PCDH15: variants seen among roughly 807,000 people sequenced by gnomAD.
PCDH15 encodes protocadherin-15.
In PCDH15, 129 loss-of-function variants were observed where a neutral mutation model predicts 178.5. The observed-to-expected ratio is 0.72, with a 90% CI of 0.63 to 0.84. The LOEUF is 0.84. Ranked by LOEUF, PCDH15 falls within the 40% of genes least tolerant of loss-of-function variation. The probability of loss-of-function intolerance (pLI) is 0.00; values close to 1 mark genes in which losing one functional copy is unlikely to be tolerated. For missense variants in PCDH15, 2,230 were observed against 2,099.9 expected (o/e 1.06, Z -1.21); for synonymous variants, 800 against 732.0 (o/e 1.09, Z -1.50).
rs1441257534 is a variant in PCDH15, at chr10:54,183,525, A to G, written c.1509T>C (p.Asn503=). 3 of 1,613,774 alleles carry G rather than the reference A, an allele frequency of 1.9e-6. No individual in the cohort carries two copies. The highest frequency in any genetic ancestry group is 1.3e-5 in the African/African-American group (1 of 74,890). The change falls in exon 13 of 38, where the codon AAT becomes AAC. Residue 503 remains asparagine (N), a synonymous_variant. Transcript: ENST00000644397. ...TTTCAGGGAAGGTTGGCGTGTTATC[A>G]TTTGCATCCATCACTTGAATATTGA... ...VIVNIQVMDA[N]DNTPTFPEIS...
At chr10:54,410,326 T>A (rs1297964680) in intron 3 of PCDH15, among the ~76,000 whole-genome samples, 1 of 152,136 alleles carries the variant, frequency 6.6e-6, no homozygotes, top group Non-Finnish European at 1.5e-5. Context: ...ATGTAGCAGC[T>A]TCCAATTTAC....
Position 54,978,389 on chromosome 10 carries a change from G to A in PCDH15, c.-79-80889C>T, listed in dbSNP as rs188336989. Among the ~76,000 whole-genome samples the A allele has an allele frequency of 5.9e-3, 905 of 152,118 alleles. 5 individuals carry two copies. Among genetic ancestry groups the A allele is most frequent in the Non-Finnish European group, 9.9e-3 (675 of 67,970 alleles). On this transcript the variant is annotated intron_variant, in intron 2 of 5. Transcript: ENST00000458638. ...CATGTTATACGACTACTTTGAATGA[G>A]GGTAGAGATAATTTTACAATTATTA... is the stretch of plus-strand genomic sequence containing the variant.
chr10:54,183,733 A>G (rs1476259576), intron 12 of PCDH15, 140 bp from the exon 13 acceptor site: 2 of 902,372 alleles, frequency 2.2e-6, no homozygotes, highest in African/African-American at 3.3e-5. Context: ...TGATAAAAGG[A>G]CGTAATAGAG....
intron 13 of PCDH15, among the ~76,000 whole-genome samples, chr10:54,182,198 C>G (rs1294307430): frequency 6.6e-6 from 1 of 152,198 alleles, no homozygotes; most frequent in Non-Finnish European, 1.5e-5. Flanking sequence ...AGCTCCTTAG[C>G]TCAGGCAATC....
chr10:54,295,296 C>A (rs1201028057), intron 8 of PCDH15, among the ~76,000 whole-genome samples: 1 of 151,660 alleles, frequency 6.6e-6, no homozygotes, highest in East Asian at 1.9e-4. Flanking sequence ...ATGGACCAAT[C>A]AATTCTCTGT....
intron 3 of PCDH15, among the ~76,000 whole-genome samples, chr10:54,497,974 T>C (rs1021750197): frequency 6.6e-6 from 1 of 151,856 alleles, no homozygotes; most frequent in Admixed American, 6.6e-5. Flanking sequence ...AGAGAATATA[T>C]AAGATGACTA....
intron 3 of PCDH15, among the ~76,000 whole-genome samples, chr10:54,493,036 T>G (rs942849522): frequency 6.6e-6 from 1 of 152,054 alleles, no homozygotes; most frequent in Admixed American, 6.6e-5. Flanking sequence ...ACCATCAAAT[T>G]TTGTGAGACT....
chr10:54,802,287 C>G (rs1952686696), upstream of PCDH15, among the ~76,000 whole-genome samples: 1 of 152,128 alleles, frequency 6.6e-6, no homozygotes, highest in Non-Finnish European at 1.5e-5. Context: ...TCATTTAAAA[C>G]AAAATGGACT....
At chr10:55,208,417 C>T (rs1840464127) in intron 1 of PCDH15, among the ~76,000 whole-genome samples, 1 of 151,970 alleles carries the variant, frequency 6.6e-6, no homozygotes, top group Admixed American at 6.6e-5. Context: ...CATACCACAA[C>T]CTGCTTCCCA....
chr10:55,319,082 C>T (rs539500158), intron 1 of PCDH15, among the ~76,000 whole-genome samples: 14 of 151,708 alleles, frequency 9.2e-5, no homozygotes, highest in African/African-American at 2.9e-4. Context: ...CAAACACACA[C>T]GATTCCCCTA....
At chr10:55,306,713 AG>A (rs1843434952) in intron 1 of PCDH15, among the ~76,000 whole-genome samples, 1 of 152,236 alleles carries the variant, frequency 6.6e-6, no homozygotes, top group African/African-American at 2.4e-5. Context: ...TGATTGCCAC[AG>A]GGGCAGAGTA....
rs1555032952 is a variant in PCDH15, at chr10:54,527,829, TC to T, written c.139del (p.Asp47MetfsTer15). On this transcript the variant is annotated frameshift_variant, in exon 3 of 38. Transcript: ENST00000644397. LOFTEE classifies it high-confidence loss of function. ...GGPPATIVAIDEESRNGTILV... is the reference protein window; with the variant it reads ...GGPPATIVAIXEESRNGTILV... ...TCACTTACCATTCCGACTTTCTTCA[TC>T]AATAGCAACTATGGTAGCTGGTGGT... 3.7e-6 allele frequency: 6 copies of T among 1,611,054 alleles called. No individual in the cohort carries two copies. The highest frequency in any genetic ancestry group is 5.1e-6 in the Non-Finnish European group (6 of 1,177,998).
At chr10:53,857,088 C>T in intron 28 of PCDH15, 87 bp downstream of exon 28, 2 of 953,548 alleles carry the variant, frequency 2.1e-6, no homozygotes, top group Non-Finnish European at 1.6e-6. Flanking sequence ...GCACATGTAT[C>T]CCCTGAATCT....
At position 53,831,553 on chromosome 10, in the gene PCDH15, G is replaced by A. The variant is rs7089209; in HGVS notation, c.3984-20C>T. The A allele has an allele frequency of 0.41, 628,820 of 1,521,810 alleles. 134,757 individuals carry two copies. Among genetic ancestry groups the A allele is most frequent in the East Asian group, 0.78 (34,745 of 44,264 alleles). 94.3% of individuals were successfully genotyped at this position (1,521,810 alleles called of 1,614,324 possible). On this transcript the variant is annotated intron_variant, in intron 29 of 37. Coordinates refer to ENST00000644397, the MANE Select transcript of PCDH15 (RefSeq NM_001384140.1). ...AAAAATCTTTATTGTTAGATAAATA[G>A]TAAAATTAATGATGCTAGCAGAGAA...
At chr10:55,176,693 T>C (rs1839497194) in intron 1 of PCDH15, among the ~76,000 whole-genome samples, 1 of 152,134 alleles carries the variant, frequency 6.6e-6, no homozygotes, top group South Asian at 2.1e-4. Context: ...GTGGTTCTAA[T>C]TCATCTTGTG....
intron 1 of PCDH15, among the ~76,000 whole-genome samples, chr10:55,180,059 C>A (rs1161240478): frequency 6.6e-6 from 1 of 151,936 alleles, no homozygotes; most frequent in East Asian, 1.9e-4. Context: ...AATGGGAAAA[C>A]TCACCAGAAC....
chr10:55,181,274 T>A (rs1839639705), intron 1 of PCDH15, among the ~76,000 whole-genome samples: 1 of 152,054 alleles, frequency 6.6e-6, no homozygotes, highest in South Asian at 2.1e-4. Context: ...CTTTTTTAAG[T>A]GAAAAATTTT....
At chr10:54,342,068 T>A (rs1942334288) in intron 6 of PCDH15, among the ~76,000 whole-genome samples, 1 of 152,138 alleles carries the variant, frequency 6.6e-6, no homozygotes, top group Non-Finnish European at 1.5e-5. Flanking sequence ...AGCCTGACCA[T>A]GTGGTAGAAA....
At chr10:54,865,219 G>T (rs564372796) in intron 3 of PCDH15, among the ~76,000 whole-genome samples, 2 of 152,138 alleles carry the variant, frequency 1.3e-5, no homozygotes, top group Non-Finnish European at 2.9e-5. Context: ...TGCCAGTGTG[G>T]CTAGAACAAA....
Sources: gnomAD v4.1 joint callset for allele counts (sites outside exome capture counted in the v4.1 genomes callset) on GRCh38, gnomAD v4.1.1 for gene constraint, MANE v1.5 for transcripts, NCBI Gene and HGNC (gene_info 2026-07-23, HGNC 2026-07-21) for gene names.